RYR3: variants seen among roughly 807,000 people sequenced by gnomAD.
The protein encoded by RYR3 is brain ryanodine receptor-calcium release channel.
In RYR3, 207 loss-of-function variants were observed where a neutral mutation model predicts 584.3. The observed-to-expected ratio is 0.35, with a 90% CI of 0.32 to 0.40. The LOEUF is 0.40. RYR3 is among the 10% of genes least tolerant of loss of function. The probability of loss-of-function intolerance (pLI) is 1.00; values close to 1 mark genes in which losing one functional copy is unlikely to be tolerated. For missense variants in RYR3, 5,616 were observed against 6,089.2 expected (o/e 0.92, Z 2.59); for synonymous variants, 2,416 against 2,248.5 (o/e 1.07, Z -2.11).
intron 1 of RYR3, among the ~76,000 whole-genome samples, chr15:33,334,916 C>T (rs560926534): frequency 6.6e-6 from 1 of 151,918 alleles, no homozygotes; most frequent in African/African-American, 2.4e-5. Flanking sequence ...AGTCAACAAA[C>T]ATGAAAAAAT....
At chr15:33,554,539 G>A (rs1225365704) in intron 10 of RYR3, among the ~76,000 whole-genome samples, 15 of 151,910 alleles carry the variant, frequency 9.9e-5, no homozygotes, top group Admixed American at 2.6e-4. Flanking sequence ...CTCGTGATCC[G>A]CCCGCCTCGG....
At chr15:33,863,924 C>G (rs1200599026) in intron 102 of RYR3, among the ~76,000 whole-genome samples, 1 of 152,174 alleles carries the variant, frequency 6.6e-6, no homozygotes, top group Non-Finnish European at 1.5e-5. Context: ...TGGCAAAAAG[C>G]ATCTCTCCTC....
intron 12 of RYR3, among the ~76,000 whole-genome samples, chr15:33,571,765 T>C (rs1268055982): frequency 6.6e-6 from 1 of 152,180 alleles, no homozygotes. Flanking sequence ...CTCCCTTTCA[T>C]TGGTATGCTT....
At chr15:33,750,552 A>T (rs1471270524) in intron 57 of RYR3, among the ~76,000 whole-genome samples, 5 of 152,206 alleles carry the variant, frequency 3.3e-5, no homozygotes, top group Non-Finnish European at 7.3e-5. Context: ...ATATATAAAC[A>T]TGCATTCATT....
chr15:33,652,835 C>T lies in RYR3; in HGVS notation c.4260C>T (p.Gly1420=). The change falls in exon 32 of 104, where the codon GGC becomes GGT. Residue 1420 remains glycine, a synonymous_variant. Coordinates refer to ENST00000634891, the MANE Select transcript of RYR3 (RefSeq NM_001036.6). Reference sequence around the variant, plus strand: ...GCTGTCTCGTGGATCTGGCCATGGGCATGTTGTCCTTCTCAGCCAATGGAA... The same window carrying T: ...GCTGTCTCGTGGATCTGGCCATGGGTATGTTGTCCTTCTCAGCCAATGGAA... The part of the protein sequence containing the change: ...EIGCLVDLAM[G]MLSFSANGKE... The T allele has an allele frequency of 6.2e-7, 1 of 1,613,544 alleles. No individual in the cohort carries two copies. The highest frequency in any genetic ancestry group is 8.5e-7 in the Non-Finnish European group (1 of 1,179,762).
intron 10 of RYR3, among the ~76,000 whole-genome samples, chr15:33,554,004 G>C (rs1225817060): frequency 1.3e-5 from 2 of 152,160 alleles, no homozygotes; most frequent in Non-Finnish European, 2.9e-5. Flanking sequence ...ACTTGTGCCT[G>C]AACGCCTTTT....
chr15:33,532,561 A>G (rs1170008750), intron 4 of RYR3, among the ~76,000 whole-genome samples: 1 of 152,150 alleles, frequency 6.6e-6, no homozygotes, highest in Non-Finnish European at 1.5e-5. Flanking sequence ...ATGTATTGTA[A>G]ATAATGTTCC....
intron 42 of RYR3, 148 bp downstream of exon 42, chr15:33,701,228 C>G: frequency 3.4e-6 from 2 of 585,768 alleles, no homozygotes; most frequent in South Asian, 4.6e-5. Context: ...TGTGAGTAAC[C>G]GGTAGCAGCA....
rs2058749907 is a variant in RYR3 at position 33,584,569 on chromosome 15, G to A, written c.1669+79G>A. On this transcript the variant is annotated intron_variant, in intron 15 of 103. Coordinates refer to ENST00000634891, the MANE Select transcript of RYR3 (RefSeq NM_001036.6). ...TTCTGTAAAAAAAGAAAACAAAGTT[G>A]AATCTTTTCCAATGGATTGCAAACA... The A allele has an allele frequency of 8.8e-6, 6 of 681,886 alleles. No homozygotes were observed. The South Asian group carries it at 1.1e-4, about 13-fold the overall frequency. 42.2% of individuals were successfully genotyped at this position (681,886 alleles called of 1,614,324 possible). A position where few individuals can be genotyped will look rare whatever the true frequency, so the allele number is the denominator to read the frequency against.
At chr15:33,774,156 C>A (rs1240907430) in intron 64 of RYR3, among the ~76,000 whole-genome samples, 1 of 152,146 alleles carries the variant, frequency 6.6e-6, no homozygotes, top group Non-Finnish European at 1.5e-5. Context: ...CGTGTGGGTT[C>A]CAGTTTTGCC....
intron 88 of RYR3, 69 bp downstream of exon 88, chr15:33,837,056 A>G: frequency 8.1e-7 from 1 of 1,239,990 alleles, no homozygotes; most frequent in Non-Finnish European, 1.2e-6. Flanking sequence ...CTTACTGATC[A>G]TGCAGATTAT....
chr15:33,495,143 C>G (rs1310387356), intron 2 of RYR3, among the ~76,000 whole-genome samples: 2 of 152,144 alleles, frequency 1.3e-5, no homozygotes, highest in African/African-American at 4.8e-5. Flanking sequence ...TAACTTCAGT[C>G]CATAGTCTTT....
chr15:33,707,989 G>A (rs936266557), intron 43 of RYR3, among the ~76,000 whole-genome samples: 3 of 152,042 alleles, frequency 2.0e-5, no homozygotes, highest in African/African-American at 7.2e-5. Context: ...TGGTTAGATT[G>A]CAGGCCTTGA....
chr15:33,421,695 C>A (rs1036443840), intron 1 of RYR3, among the ~76,000 whole-genome samples: 1 of 152,080 alleles, frequency 6.6e-6, no homozygotes, highest in Non-Finnish European at 1.5e-5. Context: ...TTCATAGTGA[C>A]CAAACTCACA....
At chr15:33,361,786 G>GA (rs1974799845) in intron 1 of RYR3, among the ~76,000 whole-genome samples, 1 of 152,208 alleles carries the variant, frequency 6.6e-6, no homozygotes, top group Non-Finnish European at 1.5e-5. Flanking sequence ...GTGGTGTGTT[G>GA]AAAACACAGA....
chr15:33,638,537 A>G (rs945266530), intron 27 of RYR3, among the ~76,000 whole-genome samples: 1 of 152,230 alleles, frequency 6.6e-6, no homozygotes, highest in Admixed American at 6.5e-5. Context: ...TAAAGTCCAA[A>G]GCCTTAATAC....
Position 33,455,679 on chromosome 15 carries a change from T to C in RYR3, c.52-17740T>C, listed in dbSNP as rs188711672. 2.0e-3 allele frequency among the ~76,000 whole-genome samples: 299 copies of C among 152,246 alleles called. 1 individual carries two copies. Among genetic ancestry groups the C allele is most frequent in the African/African-American group, 7.0e-3 (289 of 41,550 alleles). On this transcript the variant is annotated intron_variant, in intron 1 of 103. Transcript: ENST00000634891. ...CTGCAGGAACAGACAATATCACACATTGTAGAACAAACGGGTACAGCTTTG... is the reference window on the plus strand; with the variant it reads ...CTGCAGGAACAGACAATATCACACACTGTAGAACAAACGGGTACAGCTTTG...
chr15:33,638,769 C>G (rs1206401004), intron 27 of RYR3, among the ~76,000 whole-genome samples: 3 of 152,126 alleles, frequency 2.0e-5, no homozygotes, highest in Non-Finnish European at 2.9e-5. Context: ...TTATCAATGA[C>G]AAGTGACTAA....
chr15:33,415,738 C>T (rs1400459953), intron 1 of RYR3, among the ~76,000 whole-genome samples: 7 of 152,142 alleles, frequency 4.6e-5, no homozygotes, highest in Admixed American at 4.6e-4. Context: ...TTTGAGGGTA[C>T]ATGTGCAGCT....
Sources: gnomAD v4.1 joint callset for allele counts (sites outside exome capture counted in the v4.1 genomes callset) on GRCh38, gnomAD v4.1.1 for gene constraint, MANE v1.5 for transcripts, NCBI Gene and HGNC (gene_info 2026-07-23, HGNC 2026-07-21) for gene names.